Variants in SLA observed in about 807,000 individuals in gnomAD.
SLA encodes the protein Src like adaptor.
Under a neutral mutation model 30.3 loss-of-function variants are expected in SLA, and 16 were observed. The ratio of observed to expected loss-of-function variants is 0.53; its 90% CI spans 0.36 to 0.80. SLA has a LOEUF of 0.80. Among genes scored for constraint, SLA ranks in the 30% least tolerant of loss-of-function variants. SLA has a pLI of 0.01. For synonymous variants in SLA, 143 were observed against 137.8 expected (o/e 1.04, Z -0.26); for missense variants, 310 against 345.2 (o/e 0.90, Z 0.81).
At chr8:133,045,605 G>A (rs765865029) in intron 6 of SLA, among the ~76,000 whole-genome samples, 1 of 151,994 alleles carries the variant, frequency 6.6e-6, no homozygotes, top group Non-Finnish European at 1.5e-5. Context: ...ACATTGCCCA[G>A]GCTGATCTCG....
chr8:133,078,551 C>G (rs1012646783), intron 1 of SLA, among the ~76,000 whole-genome samples: 3 of 152,206 alleles, frequency 2.0e-5, no homozygotes. Flanking sequence ...TTTATTCAAG[C>G]ATGCATTTTG....
chr8:133,040,268 G>T, intron 7 of SLA, 138 bp from the exon 8 acceptor site: 1 of 909,254 alleles, frequency 1.1e-6, no homozygotes, highest in Non-Finnish European at 1.6e-6. Context: ...AAAGGGGCAT[G>T]GTAGGTGGTG....
At chr8:133,066,243 G>A (rs558696987) in intron 2 of SLA, among the ~76,000 whole-genome samples, 24 of 148,470 alleles carry the variant, frequency 1.6e-4, no homozygotes, top group South Asian at 1.1e-3. Context: ...AGAGAACGGC[G>A]TGAACCCAGA....
In SLA at chr8:133,075,057, G is replaced by A. The variant is rs966066025; in HGVS notation, c.-245C>T. The A allele has an allele frequency of 1.0e-6, 1 of 985,468 alleles. No individual in the cohort carries two copies. Among genetic ancestry groups the A allele is most frequent in the Non-Finnish European group, 1.2e-6 (1 of 829,936 alleles). 61.0% of individuals were successfully genotyped at this position (985,468 alleles called of 1,614,324 possible). On this transcript the variant is annotated 5_prime_UTR_variant, in exon 2 of 9. Transcript: ENST00000338087. ...GCATACTTCCTCTGCTAGGAACGAG[G>A]AAGGCACAGGGCTTGCAGAAGGGCA...
chr8:133,077,425 C>T (rs1845063939), intron 1 of SLA, among the ~76,000 whole-genome samples: 1 of 152,154 alleles, frequency 6.6e-6, no homozygotes, highest in South Asian at 2.1e-4. Flanking sequence ...TGCTGCTAAC[C>T]TCCCCTGACC....
At chr8:133,055,051 T>C (rs910013678) in intron 3 of SLA, among the ~76,000 whole-genome samples, 2 of 152,118 alleles carry the variant, frequency 1.3e-5, no homozygotes, top group African/African-American at 4.8e-5. Flanking sequence ...TAGTCACCTA[T>C]CTAGGGGAAA....
chr8:133,051,933 G>A (rs867273005), intron 3 of SLA, among the ~76,000 whole-genome samples: 6 of 152,164 alleles, frequency 3.9e-5, no homozygotes, highest in Middle Eastern at 3.2e-3. Flanking sequence ...AGCACCTGTC[G>A]TAAGCAGCAT....
intron 2 of SLA, among the ~76,000 whole-genome samples, chr8:133,071,201 A>G (rs1325302856): frequency 6.6e-6 from 1 of 152,190 alleles, no homozygotes; most frequent in African/African-American, 2.4e-5. Context: ...GGTGTGTTAC[A>G]TGTACTCTCC....
At chr8:133,090,992 T>C (rs1847418876) in intron 1 of SLA, among the ~76,000 whole-genome samples, 1 of 152,178 alleles carries the variant, frequency 6.6e-6, no homozygotes, top group African/African-American at 2.4e-5. Flanking sequence ...CCCCCAGCTC[T>C]GAGACTCTAG....
intron 2 of SLA, chr8:133,063,644 T>C (rs1323799298): frequency 6.6e-6 from 1 of 152,198 alleles, no homozygotes; most frequent in African/African-American, 2.4e-5. Context: ...ACGCTAACAG[T>C]CTTCTCTGCT....
chr8:133,077,749 G>A lies in SLA; in HGVS notation c.-318-2619C>T, dbSNP rs886479821. Among the ~76,000 whole-genome samples, 48 of 151,602 alleles carry A rather than the reference G, an allele frequency of 3.2e-4. 1 individual carries two copies. In the East Asian group the frequency reaches 9.1e-3, roughly 29 times the overall value. On this transcript the variant is annotated intron_variant, in intron 1 of 8. Transcript: ENST00000338087. ...CTCTGGTGTGTATGTGTGTGTGTGT[G>A]TGTGTGTGTGTGTGTGTTTGTATGT...
chr8:133,080,828 G>C (rs1269713914), intron 1 of SLA, among the ~76,000 whole-genome samples: 1 of 152,172 alleles, frequency 6.6e-6, no homozygotes, highest in Non-Finnish European at 1.5e-5. Flanking sequence ...CCCTGCAAGG[G>C]CATGGGGCAG....
chr8:133,051,287 C>G (rs2252696), intron 3 of SLA, among the ~76,000 whole-genome samples: 2 of 151,938 alleles, frequency 1.3e-5, no homozygotes, highest in African/African-American at 2.4e-5. Context: ...TTCCAGGGTC[C>G]TTAGGAGAGG....
chr8:133,102,243 A>G (rs1303160179), intron 1 of SLA, among the ~76,000 whole-genome samples: 10 of 152,234 alleles, frequency 6.6e-5, no homozygotes, highest in Admixed American at 6.5e-4. Flanking sequence ...TCCAAATTGT[A>G]GTAAACACAA....
intron 5 of SLA, chr8:133,049,362 C>T (rs967945013): frequency 6.4e-6 from 2 of 313,332 alleles, no homozygotes; most frequent in Non-Finnish European, 1.3e-5. Context: ...CGAGTGCTTA[C>T]TGTAATGCCT....
intron 5 of SLA, chr8:133,049,688 C>T: frequency 1.8e-6 from 1 of 556,510 alleles, no homozygotes; most frequent in East Asian, 3.1e-5. Flanking sequence ...CAACTTCCTT[C>T]ATTTTACTGA....
At chr8:133,090,213 G>C (rs1023676096) in intron 1 of SLA, 2 of 152,236 alleles carry the variant, frequency 1.3e-5, no homozygotes, top group African/African-American at 4.8e-5. Context: ...AAGCCAGCTA[G>C]AGATAGTCAC....
At chr8:133,084,074 C>T (rs932200139) in intron 1 of SLA, among the ~76,000 whole-genome samples, 1 of 152,290 alleles carries the variant, frequency 6.6e-6, no homozygotes, top group Non-Finnish European at 1.5e-5. Flanking sequence ...TTTCTGCATG[C>T]ATTGTGTTTT....
At chr8:133,043,990 G>A (rs969280147) in intron 7 of SLA, among the ~76,000 whole-genome samples, 7 of 152,138 alleles carry the variant, frequency 4.6e-5, no homozygotes, top group Non-Finnish European at 5.9e-5. Context: ...TATGGGCCAG[G>A]CACCCTCCCC....
Sources: allele counts gnomAD v4.1 joint callset (sites outside exome capture counted in the v4.1 genomes callset), GRCh38; gene constraint gnomAD v4.1.1; transcripts MANE v1.5; gene names NCBI Gene and HGNC (gene_info 2026-07-23, HGNC 2026-07-21).